The following JCAD variants were observed in gnomAD, a reference collection of about 807,000 sequenced individuals.
The protein encoded by JCAD is junctional cadherin 5 associated, also known as junctional cadherin 5-associated protein.
Under a neutral mutation model 98.0 loss-of-function variants are expected in JCAD, and 40 were observed. The observed-to-expected ratio is 0.41, with a 90% CI of 0.32 to 0.53. The LOEUF (loss-of-function observed/expected upper bound fraction) is 0.53, where lower values mean the gene tolerates loss of function less well. Among genes scored for constraint, JCAD ranks in the 20% least tolerant of loss-of-function variants. The probability of loss-of-function intolerance (pLI) is 0.31; values close to 1 mark genes in which losing one functional copy is unlikely to be tolerated. For missense variants in JCAD, 1,705 were observed against 1,738.1 expected, an observed-to-expected ratio of 0.98 and a Z score of 0.34; for synonymous variants, 691 against 682.3, an observed-to-expected ratio of 1.01 and a Z score of -0.20.
chr10:30,050,460 T>G (rs1472073801), intron 1 of JCAD, among the ~76,000 whole-genome samples: 1 of 152,066 alleles, frequency 6.6e-6, no homozygotes, highest in Non-Finnish European at 1.5e-5. Context: ...AAAGTTAGCA[T>G]TAGGTCTCAC....
At chr10:30,099,936 ATTCTCCATCCTGCATAACCAT>A (rs1182714495) in intron 1 of JCAD, among the ~76,000 whole-genome samples, 1 of 152,066 alleles carries the variant, frequency 6.6e-6, no homozygotes, top group Non-Finnish European at 1.5e-5. Context: ...GCCCTGACTC[ATTCTCCATCCTGCATAACCAT>A]TTCTCCCACC....
chr10:30,016,602 A>C lies in JCAD; in HGVS notation c.*1281T>G, dbSNP rs1160562745. 1.3e-5 allele frequency: 2 copies of C among 152,102 alleles called. No homozygotes were observed. The highest frequency in any genetic ancestry group is 1.5e-5 in the Non-Finnish European group (1 of 68,004). 9.4% of individuals were successfully genotyped at this position (152,102 alleles called of 1,614,324 possible). On this transcript the variant is annotated 3_prime_UTR_variant, in exon 4 of 4. Transcript: ENST00000375377. The stretch of plus-strand genomic sequence containing the variant: ...TAATGTCCCCAAGCACTTTCTAAAA[A>C]TATGCAGAGACTAATTCAAGATCAT...
intron 2 of JCAD, among the ~76,000 whole-genome samples, chr10:30,043,607 A>C (rs1837282650): frequency 6.6e-6 from 1 of 152,238 alleles, no homozygotes; most frequent in Non-Finnish European, 1.5e-5. Flanking sequence ...AAAGGGACAC[A>C]GCTGGGCTCT....
At chr10:30,020,965 T>C (rs1405814349) in intron 3 of JCAD, among the ~76,000 whole-genome samples, 1 of 152,208 alleles carries the variant, frequency 6.6e-6, no homozygotes, top group African/African-American at 2.4e-5. Flanking sequence ...TGTCTGTCTG[T>C]ACCACCCCAC....
At position 30,017,532 on chromosome 10, in the gene JCAD, G is replaced by C; in HGVS notation, c.*351C>G. The C allele has an allele frequency of 2.8e-6, 1 of 361,068 alleles. No individual in the cohort carries two copies. The highest frequency in any genetic ancestry group is 5.1e-6 in the Non-Finnish European group (1 of 197,926). The allele number at this position is 361,068 out of a possible 1,614,324, so 22.4% of individuals were successfully genotyped here. ...ACAGGCCTTTCCAAAGCATTTGCTA[G>C]ATCTTCCACATTGAAATCTTCACCC... On this transcript the variant is annotated 3_prime_UTR_variant, in exon 4 of 4. Transcript: ENST00000375377.
rs181270894 is a variant in JCAD, at chr10:30,101,218, C to T, written n.128+14149G>A. On this transcript the variant is annotated intron_variant and non_coding_transcript_variant, in intron 1 of 2. Transcript: ENST00000465712. ...GGTCAGGAGTTTGAGACCAGCCTGG[C>T]CAATATGGCAAAACCCTGTCTCTAC... 7.1e-3 allele frequency among the ~76,000 whole-genome samples: 1,079 copies of T among 152,172 alleles called. 52 individuals carry two copies. The highest frequency in any genetic ancestry group is 0.065 in the Admixed American group (995 of 15,280).
chr10:30,085,348 G>A (rs1416879940), intron 1 of JCAD, among the ~76,000 whole-genome samples: 2 of 151,962 alleles, frequency 1.3e-5, no homozygotes, highest in African/African-American at 4.8e-5. Context: ...TGGTAAGTTC[G>A]TTCTTACCAT....
chr10:30,056,436 C>A (rs1332062437), intron 1 of JCAD, among the ~76,000 whole-genome samples: 1 of 151,930 alleles, frequency 6.6e-6, no homozygotes, highest in Non-Finnish European at 1.5e-5. Context: ...TCCTAGTAAC[C>A]CCACTGTGCC....
chr10:30,051,579 A>G (rs1489438927), intron 1 of JCAD, among the ~76,000 whole-genome samples: 1 of 152,118 alleles, frequency 6.6e-6, no homozygotes, highest in Non-Finnish European at 1.5e-5. Context: ...AGAAAAAAAA[A>G]GTCCTATATA....
chr10:30,071,544 G>T (rs1332225606), intron 1 of JCAD, among the ~76,000 whole-genome samples: 1 of 152,062 alleles, frequency 6.6e-6, no homozygotes, highest in African/African-American at 2.4e-5. Context: ...GTGGCTCACG[G>T]CTGTAATCCC....
Position 30,088,626 on chromosome 10 carries a change from C to T in JCAD, n.129-18805G>A, listed in dbSNP as rs944227506. On this transcript the variant is annotated intron_variant and non_coding_transcript_variant, in intron 1 of 2. Coordinates refer to the JCAD transcript ENST00000465712. ...AGTCCATGGGAAGAAAAGAAAACAACGGACAGATAATTTATCTCTATCCCA... is the reference window on the plus strand; with the variant it reads ...AGTCCATGGGAAGAAAAGAAAACAATGGACAGATAATTTATCTCTATCCCA... Among the ~76,000 whole-genome samples the T allele has an allele frequency of 7.2e-5, 11 of 152,252 alleles. 2 individuals carry two copies. The South Asian group carries it at 1.9e-3, about 26-fold the overall frequency.
intron 2 of JCAD, among the ~76,000 whole-genome samples, chr10:30,045,606 T>C (rs949074535): frequency 2.6e-5 from 4 of 152,034 alleles, no homozygotes; most frequent in African/African-American, 9.7e-5. Flanking sequence ...GTCACTAAGG[T>C]TATCTGAACC....
chr10:30,112,513 A>C (rs1277890328), intron 1 of JCAD, among the ~76,000 whole-genome samples: 3 of 152,120 alleles, frequency 2.0e-5, no homozygotes, highest in Non-Finnish European at 4.4e-5. Context: ...ACAAACGAAA[A>C]AAATTACAAT....
At chr10:30,046,155 T>C (rs1297568516) in intron 2 of JCAD, among the ~76,000 whole-genome samples, 1 of 152,100 alleles carries the variant, frequency 6.6e-6, no homozygotes, top group Non-Finnish European at 1.5e-5. Context: ...GACTCAGAGC[T>C]CTTCCTCCCC....
At chr10:30,074,649 G>A (rs934134515) in intron 1 of JCAD, among the ~76,000 whole-genome samples, 2 of 152,232 alleles carry the variant, frequency 1.3e-5, no homozygotes, top group South Asian at 2.1e-4. Context: ...TCTGGAAGAC[G>A]TGGTTACACT....
At chr10:30,035,542 G>C (rs969823332) in intron 2 of JCAD, among the ~76,000 whole-genome samples, 1 of 152,244 alleles carries the variant, frequency 6.6e-6, no homozygotes, top group African/African-American at 2.4e-5. Context: ...AGACAAGTTA[G>C]CAAGAATGGC....
intron 1 of JCAD, among the ~76,000 whole-genome samples, chr10:30,073,523 G>A (rs1443822116): frequency 6.6e-6 from 1 of 152,204 alleles, no homozygotes; most frequent in African/African-American, 2.4e-5. Flanking sequence ...TGAGAACATG[G>A]AAGGATACTA....
intron 1 of JCAD, among the ~76,000 whole-genome samples, chr10:30,075,677 A>C (rs1262421855): frequency 6.6e-6 from 1 of 152,220 alleles, no homozygotes; most frequent in Non-Finnish European, 1.5e-5. Context: ...AAACACCAGC[A>C]GACGCCAACC....
chr10:30,035,410 C>T (rs1837086924), intron 2 of JCAD, among the ~76,000 whole-genome samples: 3 of 152,264 alleles, frequency 2.0e-5, no homozygotes, highest in South Asian at 2.1e-4. Context: ...ACGCAGTCCA[C>T]ATGACATAGA....
Sources: gnomAD v4.1 joint callset for allele counts (sites outside exome capture counted in the v4.1 genomes callset) on GRCh38, gnomAD v4.1.1 for gene constraint, MANE v1.5 for transcripts, NCBI Gene and HGNC (gene_info 2026-07-23, HGNC 2026-07-21) for gene names.